Variants in ZNF394 observed in about 807,000 individuals in gnomAD.
ZNF394 encodes zinc finger protein 99.
ZNF394 carries 19 observed loss-of-function variants against 21.8 expected under a neutral mutation model. That is an observed-to-expected ratio of 0.87 (90% CI 0.61 to 1.28). The LOEUF (loss-of-function observed/expected upper bound fraction) is 1.28, where lower values mean the gene tolerates loss of function less well. Ranked by LOEUF, ZNF394 falls within the 50% of genes most tolerant of loss-of-function variation. The pLI, the probability that ZNF394 is intolerant of heterozygous loss-of-function variation, is 0.00. For synonymous variants in ZNF394, 294 were observed against 273.3 expected, an observed-to-expected ratio of 1.08 and a Z score of -0.75; for missense variants, 683 against 708.6, an observed-to-expected ratio of 0.96 and a Z score of 0.41.
intron 2 of ZNF394, chr7:99,498,436 T>A (rs1032228027): frequency 3.3e-6 from 1 of 301,552 alleles, no homozygotes; most frequent in Non-Finnish European, 6.3e-6. Context: ...CTTGGCAATA[T>A]GGCCAAGTAT....
At chr7:99,495,673 T>A (rs1800281659) in intron 2 of ZNF394, among the ~76,000 whole-genome samples, 1 of 151,964 alleles carries the variant, frequency 6.6e-6, no homozygotes, top group African/African-American at 2.4e-5. Flanking sequence ...AAGGCTGGAG[T>A]GCAGTGGAGT....
At chr7:99,493,065 G>A (rs1290088515), downstream of ZNF394, among the ~76,000 whole-genome samples, 1 of 152,074 alleles carries the variant, frequency 6.6e-6, no homozygotes, top group Admixed American at 6.6e-5. Context: ...ATTTCAGAAG[G>A]CCCCCTACTT....
chr7:99,495,511 G>A (rs1562893931), intron 2 of ZNF394, among the ~76,000 whole-genome samples: 1 of 150,528 alleles, frequency 6.6e-6, no homozygotes, highest in Non-Finnish European at 1.5e-5. Flanking sequence ...TTTTAGTGGG[G>A]ACGAGGTTTC....
rs1488771522 is a variant in ZNF394 at position 99,499,940 on chromosome 7, T to C, written c.154A>G (p.Asn52Asp). The C allele has an allele frequency of 2.5e-6, 4 of 1,613,912 alleles. No individual in the cohort carries two copies. Among genetic ancestry groups the C allele is most frequent in the Non-Finnish European group, 3.4e-6 (4 of 1,180,040 alleles). Reference protein sequence around the residue: ...EEDSPGSWEPNYPAASPDPET... With the variant: ...EEDSPGSWEPDYPAASPDPET... ...GGGTCCGGCGAAGCCGCGGGATAGT[T>C]GGGCTCCCAACTTCCGGGTGAGTCT... The change falls in exon 1 of 3, where the codon AAC becomes GAC. Residue 52 changes from asparagine (N) to aspartate (D), a missense_variant. Physicochemically the swap from Asn to Asp is conservative, Grantham distance 23. Coordinates refer to ENST00000337673, the MANE Select transcript of ZNF394 (RefSeq NM_032164.4).
exon 2 of ZNF394, chr7:99,486,707 C>T (rs774348185): frequency 1.3e-5 from 21 of 1,614,050 alleles, no homozygotes; most frequent in African/African-American, 6.7e-5. Context: ...GATCAGAATG[C>T]GCAAACAAGG....
Position 99,494,101 on chromosome 7 carries a change from C to G in ZNF394, c.1114G>C (p.Asp372His). The G allele has an allele frequency of 4.3e-6, 7 of 1,614,162 alleles. No homozygotes were observed. The highest frequency in any genetic ancestry group is 5.9e-6 in the Non-Finnish European group (7 of 1,180,038). The stretch of plus-strand genomic sequence containing the variant: ...TGGATTCTCTGGTGTCTAAAGAGGT[C>G]AGAGCGTTGTTTGAAACTCTTCCCA... ...NCGKSFKQRS[D>H]LFRHQRIHTG... is the part of the protein sequence containing the mutation. The change falls in exon 3 of 3, where the codon GAC becomes CAC. Residue 372 changes from aspartate to histidine, a missense_variant. Coordinates refer to ENST00000337673, the MANE Select transcript of ZNF394 (RefSeq NM_032164.4).
Position 99,500,222 on chromosome 7 carries a change from T to C in ZNF394, c.-129A>G. The C allele has an allele frequency of 2.5e-6, 2 of 803,228 alleles. No individual in the cohort carries two copies. Among genetic ancestry groups the C allele is most frequent in the East Asian group, 2.9e-5 (1 of 34,882 alleles). 49.8% of individuals were successfully genotyped at this position (803,228 alleles called of 1,614,324 possible). ...CGGGCCCCACCACACCAGGCCCCTCTCCACACTCTCCTTTCCTCAGCTTTG... is the reference window on the plus strand; with the variant it reads ...CGGGCCCCACCACACCAGGCCCCTCCCCACACTCTCCTTTCCTCAGCTTTG... On this transcript the variant is annotated 5_prime_UTR_variant, in exon 1 of 3. Transcript: ENST00000337673.
Position 99,493,684 on chromosome 7 carries a change from T to A in ZNF394, c.1531A>T (p.Thr511Ser). 1 of 1,614,202 alleles carries A rather than the reference T, an allele frequency of 6.2e-7. No homozygotes were observed. Among genetic ancestry groups the A allele is most frequent in the Non-Finnish European group, 8.5e-7 (1 of 1,180,030 alleles). Residue 511 changes from threonine (T) to serine (S), a missense_variant, in exon 3 of 3, where the codon ACC (threonine) becomes TCC (serine). Around this residue, in one of 3 missense-constraint regions of ZNF394, gnomAD observed 274 missense variants for 314.1 expected, o/e 0.87. Coordinates refer to ENST00000337673, the MANE Select transcript of ZNF394 (RefSeq NM_032164.4). ...VCGKRFNQSA[T>S]LIKHQRIHTG... Reference sequence around the variant, plus strand: ...TGAATTCTCTGGTGTTTAATGAGGGTTGCACTCTGATTGAAGCGTTTCCCA... The same window carrying A: ...TGAATTCTCTGGTGTTTAATGAGGGATGCACTCTGATTGAAGCGTTTCCCA...
rs1800417676 is a variant in ZNF394 at position 99,498,809 on chromosome 7, G to C, written c.490C>G (p.Leu164Val). The C allele has an allele frequency of 6.2e-7, 1 of 1,613,900 alleles. No individual in the cohort carries two copies. Among genetic ancestry groups the C allele is most frequent in the African/African-American group, 1.3e-5 (1 of 74,890 alleles). ...MVTFEDTAVS[L>V]TWEEWERLDP... is the part of the protein sequence containing the mutation. ...AGGCGCTCCCACTCCTCCCAGGTTA[G>C]AGACACAGCCGTGTCCTCGAAAGTC... The change falls in exon 2 of 3, where the codon CTA (leucine) becomes GTA (valine). Residue 164 changes from leucine to valine, a missense_variant. Coordinates refer to ENST00000337673, the MANE Select transcript of ZNF394 (RefSeq NM_032164.4).
At chr7:99,487,964 C>G (rs890704382) in intron 1 of ZNF394, among the ~76,000 whole-genome samples, 5 of 145,148 alleles carry the variant, frequency 3.4e-5, no homozygotes, top group African/African-American at 1.3e-4. Flanking sequence ...CCCAGCTATG[C>G]GGGAGGCTGA....
intron 2 of ZNF394, among the ~76,000 whole-genome samples, chr7:99,495,920 C>T (rs1198299757): frequency 2.0e-5 from 3 of 151,548 alleles, no homozygotes; most frequent in Non-Finnish European, 4.4e-5. Flanking sequence ...CTGCACCCAG[C>T]CTATTTATTT....
At chr7:99,492,532 T>A (rs1301151623), downstream of ZNF394, among the ~76,000 whole-genome samples, 1 of 148,044 alleles carries the variant, frequency 6.8e-6, no homozygotes, top group Non-Finnish European at 1.5e-5. Context: ...CCCAAGTACT[T>A]GGAAGGCTGA....
At position 99,499,635 on chromosome 7, in the gene ZNF394, C is replaced by T; in HGVS notation, c.456+3G>A. On this transcript the variant is annotated splice_donor_region_variant and intron_variant, in intron 1 of 2. Coordinates refer to ENST00000337673, the MANE Select transcript of ZNF394 (RefSeq NM_032164.4). ...CCTCCAGAACAGGCCTTTCGCTTCT[C>T]ACCTGGGATGAGGTTCCATCGAGCG... The T allele has an allele frequency of 1.3e-6, 2 of 1,580,618 alleles. No individual in the cohort carries two copies. The highest frequency in any genetic ancestry group is 1.7e-6 in the Non-Finnish European group (2 of 1,167,672).
chr7:99,489,387 T>A (rs762442703), downstream of ZNF394, among the ~76,000 whole-genome samples: 4 of 152,204 alleles, frequency 2.6e-5, no homozygotes, highest in Non-Finnish European at 4.4e-5. Context: ...GGGCTTCATC[T>A]GACTGTGTCT....
rs187953534 is a variant in ZNF394, at chr7:99,494,266, A to G, written c.949T>C (p.Cys317Arg). 1.1e-5 allele frequency: 18 copies of G among 1,614,212 alleles called. No individual in the cohort carries two copies. The highest frequency in any genetic ancestry group is 5.0e-5 in the Admixed American group (3 of 60,016). Residue 317 changes from cysteine (C) to arginine (R), a missense_variant, in exon 3 of 3, where the codon TGC (cysteine) becomes CGC (arginine). Physicochemically the swap from Cys to Arg is radical, Grantham distance 180 (BLOSUM62 -3). This residue lies in a region of ZNF394 where 274 missense variants were observed against 314.1 expected (regional missense o/e 0.87). Coordinates refer to ENST00000337673, the MANE Select transcript of ZNF394 (RefSeq NM_032164.4). Reference sequence around the variant, plus strand: ...GTCACCATGTGGAAACTTTGCTTGCACTTGTTCCCGTGTTCCTCACTGTCA... The same window carrying G: ...GTCACCATGTGGAAACTTTGCTTGCGCTTGTTCCCGTGTTCCTCACTGTCA... ...PTDSEEHGNK[C>R]KQSFHMVTWH...
chr7:99,496,951 T>C (rs1800334707), intron 2 of ZNF394, among the ~76,000 whole-genome samples: 1 of 151,106 alleles, frequency 6.6e-6, no homozygotes, highest in African/African-American at 2.4e-5. Flanking sequence ...TATGGGCTCT[T>C]TGGAGAGCAA....
intron 2 of ZNF394, among the ~76,000 whole-genome samples, chr7:99,497,122 G>GTGTGTGTGTGTGTATA (rs1322382800): frequency 3.8e-5 from 3 of 79,448 alleles, no homozygotes; most frequent in African/African-American, 1.5e-4. Context: ...GTGTGTGTGT[G>GTGTGTGTGTGTGTATA]TATATATATA....
downstream of ZNF394, among the ~76,000 whole-genome samples, chr7:99,490,477 A>G (rs1800138626): frequency 6.6e-6 from 1 of 151,962 alleles, no homozygotes; most frequent in Non-Finnish European, 1.5e-5. Flanking sequence ...TTAAAGTACA[A>G]AAATTAGCTG....
In ZNF394 at chr7:99,500,068, C is replaced by G; in HGVS notation, c.26G>C (p.Arg9Thr). The G allele has an allele frequency of 6.4e-7, 1 of 1,572,468 alleles. No homozygotes were observed. Among genetic ancestry groups the G allele is most frequent in the Non-Finnish European group, 8.6e-7 (1 of 1,164,006 alleles). ...TCCCAACTCGGCGTCACTGCCGCGC[C>G]TCTGGGCGGTCAAGCTGGAATTCAT... MNSSLTAQ[R>T]RGSDAELGPW... Residue 9 changes from arginine to threonine, a missense_variant, in exon 1 of 3, where the codon AGG (arginine) becomes ACG (threonine). Coordinates refer to ENST00000337673, the MANE Select transcript of ZNF394 (RefSeq NM_032164.4).
Sources: gnomAD v4.1 joint callset for allele counts (sites outside exome capture counted in the v4.1 genomes callset) on GRCh38, gnomAD v4.1.1 for gene constraint, gnomAD v4.1.1 regional missense constraint, MANE v1.5 for transcripts, NCBI Gene and HGNC (gene_info 2026-07-23, HGNC 2026-07-21) for gene names.